BBS12: variants seen among roughly 807,000 people sequenced by gnomAD.
The protein encoded by BBS12 is chaperonin-containing T-complex member BBS12.
A neutral mutation model predicts 5.6 loss-of-function variants in BBS12; 5 were observed. That is an observed-to-expected ratio of 0.89 (90% CI 0.46 to 1.86). BBS12 has a LOEUF of 1.86. BBS12 is among the 40% of genes most tolerant of loss of function. The pLI is 0.01. For synonymous variants in BBS12, 308 were observed against 306.8 expected, an observed-to-expected ratio of 1.00 and a Z score of -0.04; for missense variants, 748 against 830.4, an observed-to-expected ratio of 0.90 and a Z score of 1.22.
chr4:122,708,770 A>G, the BBS12 span, among the ~76,000 whole-genome samples: 1 of 152,140 alleles, frequency 6.6e-6, no homozygotes, highest in Non-Finnish European at 1.5e-5. Flanking sequence ...ATAACAAAAC[A>G]TCACATTGTG....
chr4:122,713,320 T>A, the BBS12 span, among the ~76,000 whole-genome samples: 149 of 151,662 alleles, frequency 9.8e-4, 1 homozygote, highest in African/African-American at 2.7e-3. Context: ...TATTTTTAAT[T>A]TTTTTTTTAA....
In BBS12 at chr4:122,743,502, T is replaced by G; in HGVS notation, c.1610T>G (p.Leu537Arg). ...GCTCTAAAAGAGGAAAAGGTCTTCCTTGGAGGTGGTGCAGTTGAATTTTTG... is the reference window on the plus strand; with the variant it reads ...GCTCTAAAAGAGGAAAAGGTCTTCCGTGGAGGTGGTGCAGTTGAATTTTTG... ...YYALKEEKVF[L>R]GGGAVEFLCL... is the part of the protein sequence containing the mutation. The change falls in exon 2 of 2, where the codon CTT becomes CGT. Residue 537 changes from leucine to arginine, a missense_variant. Coordinates refer to ENST00000314218, the MANE Select transcript of BBS12 (RefSeq NM_152618.3). The G allele has an allele frequency of 5.0e-6, 8 of 1,614,228 alleles. No individual in the cohort carries two copies. Among genetic ancestry groups the G allele is most frequent in the Non-Finnish European group, 6.8e-6 (8 of 1,180,028 alleles).
the BBS12 span, among the ~76,000 whole-genome samples, chr4:122,704,488 C>A: frequency 6.6e-6 from 1 of 152,334 alleles, no homozygotes. Flanking sequence ...TGCCTGCAAT[C>A]ATCATCATCT....
At chr4:122,729,583 T>C (rs1008549218), upstream of BBS12, 4 of 152,264 alleles carry the variant, frequency 2.6e-5, no homozygotes, top group African/African-American at 7.2e-5. Context: ...CTCTGAACTT[T>C]AGTTTTCTTG....
the BBS12 span, among the ~76,000 whole-genome samples, chr4:122,720,174 A>G: frequency 4.6e-4 from 70 of 152,154 alleles, no homozygotes; most frequent in African/African-American, 1.7e-3. Context: ...TAATGTGTTC[A>G]ATAAAACAGA....
chr4:122,705,705 G>T, the BBS12 span, among the ~76,000 whole-genome samples: 1 of 152,198 alleles, frequency 6.6e-6, no homozygotes, highest in African/African-American at 2.4e-5. Flanking sequence ...GGACCATCCA[G>T]TCATTGCTGA....
At chr4:122,700,967 G>T in the BBS12 span, among the ~76,000 whole-genome samples, 1 of 152,124 alleles carries the variant, frequency 6.6e-6, no homozygotes, top group African/African-American at 2.4e-5. Context: ...ATAGTTAAAG[G>T]CATAAAAGCA....
At chr4:122,724,347 C>G in the BBS12 span, among the ~76,000 whole-genome samples, 1 of 152,116 alleles carries the variant, frequency 6.6e-6, no homozygotes, top group Non-Finnish European at 1.5e-5. Flanking sequence ...GAATAAAAGC[C>G]TCTTAAATTG....
At chr4:122,728,439 T>G (rs1267174617), upstream of BBS12, 1 of 152,246 alleles carries the variant, frequency 6.6e-6, no homozygotes, top group African/African-American at 2.4e-5. Flanking sequence ...AAAACTATTC[T>G]GTATACATAT....
Position 122,741,949 on chromosome 4 carries a change from T to G in BBS12, c.57T>G (p.Leu19=), listed in dbSNP as rs2150735813. 1 of 1,613,882 alleles carries G rather than the reference T, an allele frequency of 6.2e-7. No individual in the cohort carries two copies. Among genetic ancestry groups the G allele is most frequent in the Non-Finnish European group, 8.5e-7 (1 of 1,179,896 alleles). Residue 19 remains leucine, a synonymous_variant, in exon 2 of 2, where the codon CTT becomes CTG. Transcript: ENST00000314218. ...NKRRHMGLQQ[L]SSFAETGRTF... is the part of the protein sequence containing the mutation. Reference sequence around the variant, plus strand: ...GAAGACACATGGGACTTCAACAACTTTCATCATTCGCGGAAACAGGAAGAA... The same window carrying G: ...GAAGACACATGGGACTTCAACAACTGTCATCATTCGCGGAAACAGGAAGAA...
chr4:122,738,089 A>G (rs897333919), intron 1 of BBS12, among the ~76,000 whole-genome samples: 1 of 152,266 alleles, frequency 6.6e-6, no homozygotes, highest in African/African-American at 2.4e-5. Context: ...ACATTGGGCT[A>G]AATCTTCATA....
At chr4:122,706,102 C>T in the BBS12 span, among the ~76,000 whole-genome samples, 1 of 152,124 alleles carries the variant, frequency 6.6e-6, no homozygotes, top group African/African-American at 2.4e-5. Context: ...GCTGTGAGGA[C>T]CTGCCACTAT....
rs1241167493 is a variant in BBS12 at position 122,743,311 on chromosome 4, C to G, written c.1419C>G (p.Phe473Leu). ...TGGGCGACGGGGTCTGCGTGACCTT[C>G]TGGAGAAGCAGCCCTTTGGATGTTG... is the stretch of plus-strand genomic sequence containing the variant. ...DCVGDGVCVT[F>L]WRSSPLDVVD... is the part of the protein sequence containing the mutation. Residue 473 changes from phenylalanine (F) to leucine (L), a missense_variant, in exon 2 of 2, where the codon TTC (phenylalanine) becomes TTG (leucine). Coordinates refer to ENST00000314218, the MANE Select transcript of BBS12 (RefSeq NM_152618.3). 6.2e-7 allele frequency: 1 copy of G among 1,614,150 alleles called. No homozygotes were observed. The highest frequency in any genetic ancestry group is 8.5e-7 in the Non-Finnish European group (1 of 1,180,020).
At chr4:122,739,245 G>C (rs1471923220) in intron 1 of BBS12, among the ~76,000 whole-genome samples, 1 of 152,190 alleles carries the variant, frequency 6.6e-6, no homozygotes, top group Non-Finnish European at 1.5e-5. Context: ...AGTTGTTTGT[G>C]GTAATTTGGT....
the BBS12 span, among the ~76,000 whole-genome samples, chr4:122,718,199 C>G: frequency 6.6e-6 from 1 of 152,102 alleles, no homozygotes. Context: ...AAATAAGACA[C>G]CAGGAATGAA....
At chr4:122,720,938 T>C in the BBS12 span, among the ~76,000 whole-genome samples, 2 of 151,138 alleles carry the variant, frequency 1.3e-5, no homozygotes, top group East Asian at 3.9e-4. Flanking sequence ...ATAAAGTTAT[T>C]AGGTTGGTGC....
At chr4:122,718,888 G>C in the BBS12 span, among the ~76,000 whole-genome samples, 1 of 152,000 alleles carries the variant, frequency 6.6e-6, no homozygotes, top group East Asian at 1.9e-4. Context: ...GCACAATCTC[G>C]GCTCACTGCA....
chr4:122,702,050 T>A, the BBS12 span, among the ~76,000 whole-genome samples: 1 of 152,320 alleles, frequency 6.6e-6, no homozygotes, highest in East Asian at 1.9e-4. Context: ...GAATTTCTTC[T>A]AAAGATCCAG....
chr4:122,728,874 A>C (rs1384701848), upstream of BBS12: 1 of 152,240 alleles, frequency 6.6e-6, no homozygotes, highest in Non-Finnish European at 1.5e-5. Flanking sequence ...GTTATCAGAA[A>C]GTGTTTGTGT....
Sources: allele counts gnomAD v4.1 joint callset (sites outside exome capture counted in the v4.1 genomes callset), GRCh38; gene constraint gnomAD v4.1.1; transcripts MANE v1.5; gene names NCBI Gene and HGNC (gene_info 2026-07-23, HGNC 2026-07-21).